The following CUX1 variants were observed in gnomAD, a reference collection of about 807,000 sequenced individuals.
The protein encoded by CUX1 is protein CASP.
A neutral mutation model predicts 158.8 loss-of-function variants in CUX1; 31 were observed. The ratio of observed to expected loss-of-function variants is 0.20; its 90% CI spans 0.15 to 0.26. The LOEUF is 0.26. CUX1 is among the 10% of genes least tolerant of loss of function. CUX1 has a pLI of 1.00. For missense variants in CUX1, 1,589 were observed against 2,014.6 expected (o/e 0.79, Z 4.04); for synonymous variants, 879 against 862.1 (o/e 1.02, Z -0.34).
At chr7:101,950,416 TA>T (rs199857284) in intron 2 of CUX1, among the ~76,000 whole-genome samples, 327 of 150,712 alleles carry the variant, frequency 2.2e-3, no homozygotes, top group African/African-American at 3.9e-3. Context: ...GTTGTTTTTT[TA>T]AAAAAAAAAT....
chr7:101,948,894 C>A (rs748647078), intron 2 of CUX1, among the ~76,000 whole-genome samples: 38 of 152,180 alleles, frequency 2.5e-4, no homozygotes, highest in Admixed American at 1.3e-4. Flanking sequence ...GCCACTGTGC[C>A]CCTGCAAGTG....
intron 20 of CUX1, among the ~76,000 whole-genome samples, chr7:102,216,015 ACCT>A (rs1797006644): frequency 6.6e-6 from 1 of 151,934 alleles, no homozygotes; most frequent in Non-Finnish European, 1.5e-5. Context: ...AACATTTAAG[ACCT>A]CCTGCCTGGG....
intron 2 of CUX1, among the ~76,000 whole-genome samples, chr7:102,024,325 C>A (rs1209326363): frequency 6.6e-6 from 1 of 152,028 alleles, no homozygotes; most frequent in Non-Finnish European, 1.5e-5. Context: ...CCTTGTTAAG[C>A]CTTTTTTTGT....
chr7:102,243,634 AT>A (rs1554535725), intron 23 of CUX1, among the ~76,000 whole-genome samples: 3 of 85,698 alleles, frequency 3.5e-5, no homozygotes, highest in Non-Finnish European at 6.6e-5. Flanking sequence ...TCTACAGAAA[AT>A]AATAATAATA....
chr7:102,267,033 T>G (rs1554545224), intron 14 of CUX1, among the ~76,000 whole-genome samples: 2 of 151,914 alleles, frequency 1.3e-5, no homozygotes, highest in Non-Finnish European at 2.9e-5. Context: ...GAGACCCCAT[T>G]GCATAGGGGT....
intron 4 of CUX1, among the ~76,000 whole-genome samples, chr7:102,071,426 G>T (rs1008433113): frequency 2.0e-5 from 3 of 152,190 alleles, no homozygotes; most frequent in African/African-American, 4.8e-5. Flanking sequence ...CTTAGAATCT[G>T]GAGTAAGGTG....
chr7:102,250,291 A>C lies in CUX1; in HGVS notation c.*1249A>C. 1.0e-6 allele frequency: 1 copy of C among 985,442 alleles called. No homozygotes were observed. The highest frequency in any genetic ancestry group is 1.2e-6 in the Non-Finnish European group (1 of 829,956). The allele number at this position is 985,442 out of a possible 1,614,324, so 61.0% of individuals were successfully genotyped here. ...AGAGAGTAGTCCGGGCGAGCACAGC[A>C]GGCAGTTCCAGGGCCAGACGGGCCC... On this transcript the variant is annotated 3_prime_UTR_variant, in exon 24 of 24. Transcript: ENST00000292535.
intron 2 of CUX1, among the ~76,000 whole-genome samples, chr7:101,962,665 C>T (rs1485668260): frequency 6.6e-6 from 1 of 152,128 alleles, no homozygotes; most frequent in Non-Finnish European, 1.5e-5. Flanking sequence ...TCCTCAACTC[C>T]TCCCATTCAT....
intron 14 of CUX1, among the ~76,000 whole-genome samples, chr7:102,267,480 G>C (rs1171803650): frequency 6.6e-6 from 1 of 152,084 alleles, no homozygotes; most frequent in African/African-American, 2.4e-5. Context: ...GTTGCAGAGA[G>C]CCGAGATCAT....
intron 1 of CUX1, among the ~76,000 whole-genome samples, chr7:101,884,974 C>G (rs1433769795): frequency 1.3e-5 from 2 of 152,180 alleles, no homozygotes; most frequent in East Asian, 1.9e-4. Flanking sequence ...TTTTCATTTC[C>G]TCGCTGGGTT....
At chr7:102,216,536 ACACACACACACCCACACACG>A (rs1797083942) in intron 20 of CUX1, among the ~76,000 whole-genome samples, 1 of 55,940 alleles carries the variant, frequency 1.8e-5, no homozygotes, top group African/African-American at 9.6e-5. Flanking sequence ...TCTCCCCCCC[ACACACACACACCCACACACG>A]CACACACACT....
Position 102,248,390 on chromosome 7 carries a change from C to G in CUX1, c.3888-22C>G. On this transcript the variant is annotated intron_variant, in intron 23 of 23. Transcript: ENST00000292535. This position sits in a 1 kb window ranked among gnomAD's most constrained non-coding sequence, Gnocchi z 5.8. ...TCCCCAGCAGCACCCCCCTCACGTCCCCGCCGCTTGTTGTCTTGTAGGTCT... is the reference window on the plus strand; with the variant it reads ...TCCCCAGCAGCACCCCCCTCACGTCGCCGCCGCTTGTTGTCTTGTAGGTCT... The G allele has an allele frequency of 6.4e-7, 1 of 1,570,336 alleles. No homozygotes were observed. Among genetic ancestry groups the G allele is most frequent in the Non-Finnish European group, 8.6e-7 (1 of 1,164,624 alleles).
chr7:102,265,742 A>G (rs1246129042), intron 14 of CUX1, among the ~76,000 whole-genome samples: 1 of 152,116 alleles, frequency 6.6e-6, no homozygotes, highest in Non-Finnish European at 1.5e-5. Context: ...CCAACTTTTT[A>G]AAAGGCTCTC....
intron 1 of CUX1, among the ~76,000 whole-genome samples, chr7:101,878,331 G>A (rs1799369086): frequency 6.6e-6 from 1 of 152,212 alleles, no homozygotes; most frequent in African/African-American, 2.4e-5. Flanking sequence ...GTGTGCCTAG[G>A]AGAGGGGTGG....
At chr7:101,976,928 T>TG (rs1156897556) in intron 2 of CUX1, among the ~76,000 whole-genome samples, 1 of 143,586 alleles carries the variant, frequency 7.0e-6, no homozygotes, top group African/African-American at 2.6e-5. Flanking sequence ...TTTTTTTTTT[T>TG]GGAGATGTAG....
rs186230997 is a variant in CUX1 at position 101,821,408 on chromosome 7, A to G, written c.30+3739A>G. ...GGCCGGAGTGCAGAGGCACTATCTC[A>G]GCTCACTGCAAACTCCGCCTCCCGG... On this transcript the variant is annotated intron_variant, in intron 1 of 23. Coordinates refer to ENST00000292535, the MANE Select transcript of CUX1 (RefSeq NM_181552.4). 9.9e-4 allele frequency among the ~76,000 whole-genome samples: 148 copies of G among 149,708 alleles called. 1 individual carries two copies. The highest frequency in any genetic ancestry group is 1.8e-3 in the African/African-American group (72 of 40,658).
At chr7:101,825,672 A>G (rs1429144653) in intron 1 of CUX1, among the ~76,000 whole-genome samples, 1 of 151,488 alleles carries the variant, frequency 6.6e-6, no homozygotes, top group Non-Finnish European at 1.5e-5. Context: ...AGTAAGAAGT[A>G]GTTTGTGATT....
In CUX1 at chr7:102,249,500, A is replaced by G; in HGVS notation, c.*458A>G. Reference sequence around the variant, plus strand: ...CCTGAAGTGTTTTTTTTATTGCCCTAAGTGATTTCCACAGGTTCTGGAATA... The same window carrying G: ...CCTGAAGTGTTTTTTTTATTGCCCTGAGTGATTTCCACAGGTTCTGGAATA... On this transcript the variant is annotated 3_prime_UTR_variant, in exon 24 of 24. Coordinates refer to ENST00000292535, the MANE Select transcript of CUX1 (RefSeq NM_181552.4). 1.0e-6 allele frequency: 1 copy of G among 985,894 alleles called. No homozygotes were observed. Among genetic ancestry groups the G allele is most frequent in the Non-Finnish European group, 1.2e-6 (1 of 829,948 alleles). The allele number at this position is 985,894 out of a possible 1,614,324, so 61.1% of individuals were successfully genotyped here. A position where few individuals can be genotyped will look rare whatever the true frequency, so the allele number is the denominator to read the frequency against.
chr7:102,123,829 A>G (rs782200556), intron 8 of CUX1, among the ~76,000 whole-genome samples: 5 of 151,694 alleles, frequency 3.3e-5, no homozygotes, highest in Non-Finnish European at 5.9e-5. Flanking sequence ...CACCTGGCTA[A>G]TTTTTGTATT....
Sources: allele counts gnomAD v4.1 joint callset (sites outside exome capture counted in the v4.1 genomes callset), GRCh38; gene constraint gnomAD v4.1.1; non-coding constraint Gnocchi (gnomAD v3.1); transcripts MANE v1.5; gene names NCBI Gene and HGNC (gene_info 2026-07-23, HGNC 2026-07-21).